Variants in DUS2 observed in about 807,000 individuals in gnomAD.
The protein encoded by DUS2 is dihydrouridine synthase 2.
A neutral mutation model predicts 71.3 loss-of-function variants in DUS2; 52 were observed. The observed-to-expected ratio is 0.73, with a 90% confidence interval of 0.58 to 0.92. The LOEUF (loss-of-function observed/expected upper bound fraction) is 0.92, where lower values mean the gene tolerates loss of function less well. DUS2 is among the 40% of genes least tolerant of loss of function. DUS2 has a pLI of 0.00. For missense variants in DUS2, 558 were observed against 622.6 expected, an observed-to-expected ratio of 0.90 and a Z score of 1.10; for synonymous variants, 204 against 227.8, an observed-to-expected ratio of 0.90 and a Z score of 0.94.
intron 14 of DUS2, 93 bp downstream of exon 14, chr16:68,075,597 C>T (rs1244876371): frequency 2.6e-5 from 33 of 1,280,614 alleles, no homozygotes; most frequent in Non-Finnish European, 3.2e-5. Context: ...TGCTTAATGT[C>T]AAACGTAGGG....
chr16:68,067,009 AT>A lies in DUS2; in HGVS notation c.554+376del, dbSNP rs752391772. The stretch of plus-strand genomic sequence containing the variant: ...TTCTGACCCTCATGAGAAAAATCTC[AT>A]TTATTTCCTTCCCTCCCTCCCTCCC... On this transcript the variant is annotated intron_variant, in intron 10 of 16. Transcript: ENST00000565263. Among the ~76,000 whole-genome samples the A allele has an allele frequency of 1.1e-3, 165 of 145,466 alleles. 1 individual carries two copies. The highest frequency in any genetic ancestry group is 2.0e-3 in the Admixed American group (30 of 14,680).
chr16:68,072,968 T>C (rs1337194503), intron 12 of DUS2, among the ~76,000 whole-genome samples: 2 of 152,220 alleles, frequency 1.3e-5, no homozygotes, highest in Non-Finnish European at 2.9e-5. Context: ...TTAGAGGCTA[T>C]TCAAGATGTG....
At position 68,078,487 on chromosome 16, in the gene DUS2, G is replaced by A. The variant is rs768617021; in HGVS notation, c.1213G>A (p.Val405Ile). The A allele has an allele frequency of 3.7e-6, 6 of 1,613,960 alleles. No individual in the cohort carries two copies. Among genetic ancestry groups the A allele is most frequent in the East Asian group, 2.2e-5 (1 of 44,898 alleles). The change falls in exon 16 of 17, where the codon GTT (valine) becomes ATT (isoleucine). Residue 405 changes from valine (V) to isoleucine (I), a missense_variant. Val to Ile is a conservative substitution (Grantham distance 29). Coordinates refer to ENST00000565263, the MANE Select transcript of DUS2 (RefSeq NM_017803.5). ...LDRLFSSIVT[V>I]AEQKYQSTLW... ...TCGCCTGTTCTCCTCTATTGTCACC[G>A]TTGCTGAACAAAAGTATCAGTCTAC... is the stretch of plus-strand genomic sequence containing the variant.
chr16:68,064,827 G>T (rs2033984363), intron 8 of DUS2, among the ~76,000 whole-genome samples: 1 of 152,178 alleles, frequency 6.6e-6, no homozygotes, highest in Admixed American at 6.5e-5. Flanking sequence ...ATGTCTTCTG[G>T]AATGGCCTGC....
At chr16:68,072,238 C>G (rs769381028) in intron 12 of DUS2, among the ~76,000 whole-genome samples, 3 of 152,218 alleles carry the variant, frequency 2.0e-5, no homozygotes, top group Non-Finnish European at 4.4e-5. Context: ...TGTCCTATTT[C>G]CTGTTCAATG....
intron 2 of DUS2, among the ~76,000 whole-genome samples, chr16:68,030,709 G>GT (rs1342606787): frequency 6.6e-6 from 1 of 152,098 alleles, no homozygotes; most frequent in African/African-American, 2.4e-5. Context: ...TATGACAAAA[G>GT]TTTATCAGTA....
chr16:68,069,615 C>G (rs1032067845), intron 10 of DUS2, among the ~76,000 whole-genome samples: 4 of 152,164 alleles, frequency 2.6e-5, no homozygotes, highest in Non-Finnish European at 4.4e-5. Context: ...AGCCATGGTC[C>G]GTGCCTTTCC....
rs769045631 is a variant in DUS2 at position 68,078,973 on chromosome 16, T to G, written c.1469T>G (p.Leu490Arg). 1.9e-6 allele frequency: 3 copies of G among 1,571,702 alleles called. No individual in the cohort carries two copies. In the South Asian group the frequency reaches 3.5e-5, roughly 18 times the overall value. ...TTGGGAAGTGGTGAAGAAAGCCCCC[T>G]GGAAGGCTGGTGACTACTCTTCCTG... ...VALGSGEESP[L>R]EGW The change falls in exon 17 of 17, where the codon CTG (leucine) becomes CGG (arginine). Residue 490 changes from leucine (L) to arginine (R), a missense_variant. Physicochemically the swap from Leu to Arg is moderately radical, Grantham distance 102 (BLOSUM62 -2). Coordinates refer to ENST00000565263, the MANE Select transcript of DUS2 (RefSeq NM_017803.5).
At position 68,066,619 on chromosome 16, in the gene DUS2, C is replaced by A; in HGVS notation, c.537C>A (p.Ala179=). The change falls in exon 10 of 17, where the codon GCC becomes GCA. Residue 179 remains alanine, a synonymous_variant. Transcript: ENST00000565263. ...VKRIERTGIA[A]IAVHGRKREE... Reference sequence around the variant, plus strand: ...GGATAGAGAGGACTGGCATTGCTGCCATCGCAGTTCATGGGAGGTGAGTGG... The same window carrying A: ...GGATAGAGAGGACTGGCATTGCTGCAATCGCAGTTCATGGGAGGTGAGTGG... 1 of 1,614,144 alleles carries A rather than the reference C, an allele frequency of 6.2e-7. No homozygotes were observed. The highest frequency in any genetic ancestry group is 1.1e-5 in the South Asian group (1 of 91,076).
intron 10 of DUS2, among the ~76,000 whole-genome samples, chr16:68,069,093 A>T (rs1403901043): frequency 6.6e-6 from 1 of 152,108 alleles, no homozygotes; most frequent in Non-Finnish European, 1.5e-5. Flanking sequence ...TTTGTTGAAG[A>T]GTATAGTAGA....
chr16:68,031,758 G>A (rs939622200), intron 2 of DUS2, among the ~76,000 whole-genome samples: 4 of 151,892 alleles, frequency 2.6e-5, no homozygotes, highest in Non-Finnish European at 4.4e-5. Context: ...GCAGTGGTGC[G>A]ATCTTGGCTA....
In DUS2 at chr16:68,028,110, C is replaced by T. The variant is rs377621690; in HGVS notation, c.-19+2616C>T. ...TCATGTTTTGCGTATCATATCTTTG[C>T]GTTTGGAAAGAGCCCTTTGGCTGGA... On this transcript the variant is annotated intron_variant, in intron 2 of 16. Coordinates refer to ENST00000565263, the MANE Select transcript of DUS2 (RefSeq NM_017803.5). Among the ~76,000 whole-genome samples, 11 of 152,070 alleles carry T rather than the reference C, an allele frequency of 7.2e-5. No homozygotes were observed. The South Asian group carries it at 1.9e-3, about 26-fold the overall frequency.
intron 8 of DUS2, among the ~76,000 whole-genome samples, chr16:68,061,840 A>G (rs1348332954): frequency 6.6e-6 from 1 of 152,174 alleles, no homozygotes; most frequent in African/African-American, 2.4e-5. Context: ...GAGAGCTGCC[A>G]TCATTGCCAA....
chr16:68,066,935 AT>A (rs1319847401), intron 10 of DUS2, among the ~76,000 whole-genome samples: 6 of 152,018 alleles, frequency 3.9e-5, no homozygotes, highest in African/African-American at 1.5e-4. Flanking sequence ...AATGCTAGAG[AT>A]TGAGTAATTT....
At chr16:68,032,092 G>A (rs1302388982) in intron 2 of DUS2, among the ~76,000 whole-genome samples, 1 of 152,194 alleles carries the variant, frequency 6.6e-6, no homozygotes, top group Non-Finnish European at 1.5e-5. Context: ...TGGTGATGTG[G>A]GTGTGATCTC....
chr16:68,033,494 AT>A (rs1423798080), intron 2 of DUS2, among the ~76,000 whole-genome samples: 4 of 151,408 alleles, frequency 2.6e-5, no homozygotes, highest in East Asian at 1.9e-4. Context: ...TTAAAAAAAA[AT>A]TTTTTTTGAG....
Position 68,075,446 on chromosome 16 carries a change from A to G in DUS2, c.1024A>G (p.Thr342Ala). ...ARLSAKTSEQ[T>A]GEPAEDTSGV... is the part of the protein sequence containing the mutation. ...GCTCTCAGCCAAGACTTCAGAGCAG[A>G]CAGGGGAGCCAGCTGAAGATACCTC... Residue 342 changes from threonine (T) to alanine (A), a missense_variant, in exon 14 of 17, where the codon ACA becomes GCA. Physicochemically the swap from Thr to Ala is moderately conservative, Grantham distance 58 (BLOSUM62 0). Transcript: ENST00000565263. The G allele has an allele frequency of 6.2e-7, 1 of 1,613,976 alleles. No homozygotes were observed.
At chr16:68,064,735 T>C (rs2033982943) in intron 8 of DUS2, among the ~76,000 whole-genome samples, 1 of 152,214 alleles carries the variant, frequency 6.6e-6, no homozygotes, top group African/African-American at 2.4e-5. Context: ...TAGAGACTGT[T>C]CCTTCCTGCC....
Position 68,047,941 on chromosome 16 carries a change from C to T in DUS2, c.127-1564C>T, listed in dbSNP as rs116068093. 4.1e-3 allele frequency among the ~76,000 whole-genome samples: 616 copies of T among 151,998 alleles called. 7 individuals are homozygous for T. Among genetic ancestry groups the T allele is most frequent in the African/African-American group, 0.014 (570 of 41,430 alleles). ...GACCACAGGCACATGCCACCACGCC[C>T]GGCTAATTTTTAAAAATGTTTTGTA... is the stretch of plus-strand genomic sequence containing the variant. On this transcript the variant is annotated intron_variant, in intron 3 of 16. Coordinates refer to ENST00000565263, the MANE Select transcript of DUS2 (RefSeq NM_017803.5).
Sources: allele counts gnomAD v4.1 joint callset (sites outside exome capture counted in the v4.1 genomes callset), GRCh38; gene constraint gnomAD v4.1.1; transcripts MANE v1.5; gene names NCBI Gene and HGNC (gene_info 2026-07-23, HGNC 2026-07-21).